Variants in GALNTL5 observed in about 807,000 individuals in gnomAD.
GALNTL5 encodes inactive polypeptide N-acetylgalactosaminyltransferase-like protein 5.
Under a neutral mutation model 51.0 loss-of-function variants are expected in GALNTL5, and 44 were observed. The observed-to-expected ratio is 0.86, with a 90% CI of 0.68 to 1.11. GALNTL5 has a LOEUF of 1.11. GALNTL5 is among the 50% of genes least tolerant of loss of function. The probability of loss-of-function intolerance (pLI) is 0.00; values close to 1 mark genes in which losing one functional copy is unlikely to be tolerated. For missense variants in GALNTL5, 528 were observed against 531.8 expected, an observed-to-expected ratio of 0.99 and a Z score of 0.07; for synonymous variants, 192 against 182.8, an observed-to-expected ratio of 1.05 and a Z score of -0.41.
chr7:152,015,452 C>T (rs999290043), intron 8 of GALNTL5, among the ~76,000 whole-genome samples: 3 of 151,202 alleles, frequency 2.0e-5, no homozygotes, highest in South Asian at 2.1e-4. Flanking sequence ...CTCTGCCTCT[C>T]GGATTCAAGC....
intron 5 of GALNTL5, among the ~76,000 whole-genome samples, chr7:151,998,784 C>CA (rs1329221319): frequency 2.2e-5 from 1 of 46,092 alleles, no homozygotes; most frequent in South Asian, 8.5e-4. Context: ...AAAAAAAAAA[C>CA]AAAAAACAAA....
intron 1 of GALNTL5, among the ~76,000 whole-genome samples, chr7:151,961,338 C>CAA: frequency 1.4e-5 from 2 of 147,148 alleles, no homozygotes; most frequent in Non-Finnish European, 3.0e-5. Flanking sequence ...GCCAACTCTA[C>CAA]AAAAAAAAAA....
chr7:151,996,919 G>A (rs879405269), intron 5 of GALNTL5, among the ~76,000 whole-genome samples: 1 of 151,990 alleles, frequency 6.6e-6, no homozygotes, highest in Non-Finnish European at 1.5e-5. Context: ...TGAAAATGTG[G>A]ACACTAACCA....
In GALNTL5 at chr7:152,019,691, G is replaced by A. The variant is rs267601426; in HGVS notation, c.1222G>A (p.Gly408Arg). The change falls in exon 9 of 9, where the codon GGA (glycine) becomes AGA (arginine). Residue 408 changes from glycine (G) to arginine (R), a missense_variant. By Grantham distance (125) the Gly-to-Arg change is moderately radical. Coordinates refer to ENST00000392800, the MANE Select transcript of GALNTL5 (RefSeq NM_145292.4). ...RKPGLKYVTY[G>R]NIRERVELRK... The stretch of plus-strand genomic sequence containing the variant: ...GCCTGGTCTGAAATATGTCACCTAC[G>A]GAAATATTCGCGAGCGTGTTGAGTT... 34 of 1,613,578 alleles carry A rather than the reference G, an allele frequency of 2.1e-5. No homozygotes were observed. The highest frequency in any genetic ancestry group is 1.3e-4 in the East Asian group (6 of 44,880).
chr7:151,973,434 C>T (rs1303838597), intron 3 of GALNTL5, among the ~76,000 whole-genome samples: 3 of 151,820 alleles, frequency 2.0e-5, no homozygotes, highest in Non-Finnish European at 4.4e-5. Flanking sequence ...CACTGCACTC[C>T]AGCCTGGGTG....
chr7:152,019,052 C>T (rs2081855056), intron 8 of GALNTL5, among the ~76,000 whole-genome samples: 2 of 152,186 alleles, frequency 1.3e-5, no homozygotes, highest in Non-Finnish European at 2.9e-5. Context: ...AAAAACTAAC[C>T]AAGTGTGGTA....
rs202107288 is a variant in GALNTL5 at position 152,007,914 on chromosome 7, G to C, written c.996G>C (p.Trp332Cys). Residue 332 changes from tryptophan to cysteine, a missense_variant, in exon 7 of 9, where the codon TGG (tryptophan) becomes TGC (cysteine). By Grantham distance (215) the Trp-to-Cys change is radical. Transcript: ENST00000392800. ...IGQYDKDMDF[W>C]GRENLELSLR... ...AGTATGACAAGGATATGGATTTTTG[G>C]GGAAGAGAAAATTTGGAACTTTCAC... 119 of 1,607,722 alleles carry C rather than the reference G, an allele frequency of 7.4e-5. 1 individual carries two copies. Among genetic ancestry groups the C allele is most frequent in the Non-Finnish European group, 9.4e-6 (11 of 1,175,116 alleles).
At chr7:152,000,844 T>C (rs922292399) in intron 5 of GALNTL5, among the ~76,000 whole-genome samples, 7 of 152,146 alleles carry the variant, frequency 4.6e-5, no homozygotes, top group Admixed American at 1.3e-4. Context: ...TGGAAATACT[T>C]TCCCCCATTT....
intron 6 of GALNTL5, among the ~76,000 whole-genome samples, chr7:152,004,236 A>G (rs535634576): frequency 1.3e-5 from 2 of 151,738 alleles, no homozygotes; most frequent in Admixed American, 6.6e-5. Flanking sequence ...TAGAAAGAAA[A>G]CTTCTCATGT....
At chr7:152,016,362 C>T (rs1271092971) in intron 8 of GALNTL5, among the ~76,000 whole-genome samples, 1 of 151,710 alleles carries the variant, frequency 6.6e-6, no homozygotes, top group African/African-American at 2.4e-5. Context: ...CAAGATTGTG[C>T]CGTTGCACTT....
In GALNTL5 at chr7:151,957,189, A is replaced by G. The variant is rs144062110; in HGVS notation, c.-40+580A>G. Among the ~76,000 whole-genome samples, 1,358 of 151,696 alleles carry G rather than the reference A, an allele frequency of 9.0e-3. 26 individuals carry two copies. The highest frequency in any genetic ancestry group is 0.03 in the African/African-American group (1,220 of 41,348). ...AAAAAGTGTTGATTATTGACAGAAG[A>G]ATTAGTTGTGATATTATCTAAAGCA... On this transcript the variant is annotated intron_variant, in intron 1 of 8. Transcript: ENST00000392800.
At chr7:151,993,881 C>G (rs1389522503) in intron 5 of GALNTL5, among the ~76,000 whole-genome samples, 1 of 152,152 alleles carries the variant, frequency 6.6e-6, no homozygotes, top group Non-Finnish European at 1.5e-5. Context: ...CTTAACCTCT[C>G]AAAGTGCTGG....
chr7:151,965,733 A>G (rs2081051456), intron 1 of GALNTL5, among the ~76,000 whole-genome samples: 1 of 152,008 alleles, frequency 6.6e-6, no homozygotes, highest in Admixed American at 6.6e-5. Flanking sequence ...TAATAATAAT[A>G]ATAATTAGCC....
At chr7:152,013,363 AAAAC>A (rs2081764242) in intron 7 of GALNTL5, among the ~76,000 whole-genome samples, 1 of 152,204 alleles carries the variant, frequency 6.6e-6, no homozygotes, top group Non-Finnish European at 1.5e-5. Flanking sequence ...AAGAAAAAAA[AAAAC>A]AAAAACTGGT....
intron 3 of GALNTL5, among the ~76,000 whole-genome samples, chr7:151,976,043 C>T (rs1249773582): frequency 6.6e-6 from 1 of 152,120 alleles, no homozygotes; most frequent in Non-Finnish European, 1.5e-5. Flanking sequence ...ATATGCTCTT[C>T]AGCTGTTGGA....
intron 7 of GALNTL5, among the ~76,000 whole-genome samples, chr7:152,012,544 A>C (rs959578549): frequency 1.3e-5 from 2 of 152,218 alleles, no homozygotes; most frequent in African/African-American, 4.8e-5. Context: ...TGACCCAGCA[A>C]TCCTATTACT....
chr7:151,992,818 A>G (rs953294089), intron 5 of GALNTL5, among the ~76,000 whole-genome samples: 3 of 152,116 alleles, frequency 2.0e-5, no homozygotes, highest in African/African-American at 7.2e-5. Context: ...TCAAACCCAC[A>G]TAATACCCAT....
At chr7:151,984,925 C>T (rs542123564) in intron 4 of GALNTL5, among the ~76,000 whole-genome samples, 15 of 152,278 alleles carry the variant, frequency 9.9e-5, no homozygotes, top group South Asian at 2.1e-4. Context: ...AATTTGGAGA[C>T]GTAACTGGTG....
chr7:152,008,015 T>C, intron 7 of GALNTL5, 71 bp downstream of exon 7: 3 of 848,082 alleles, frequency 3.5e-6, no homozygotes, highest in Non-Finnish European at 5.9e-6. Context: ...AATGCTGTGG[T>C]AATTATGCTC....
Sources: gnomAD v4.1 joint callset for allele counts (sites outside exome capture counted in the v4.1 genomes callset) on GRCh38, gnomAD v4.1.1 for gene constraint, MANE v1.5 for transcripts, NCBI Gene and HGNC (gene_info 2026-07-23, HGNC 2026-07-21) for gene names.